The following MRRF variants were observed in gnomAD, a reference collection of about 807,000 sequenced individuals.
MRRF encodes mitochondrial ribosome recycling factor, also known as ribosome-recycling factor, mitochondrial.
In MRRF, 18 loss-of-function variants were observed where a neutral mutation model predicts 25.1. That is an observed-to-expected ratio of 0.72 (90% CI 0.50 to 1.06). MRRF has a LOEUF of 1.06. MRRF is among the 50% of genes least tolerant of loss of function. The pLI, the probability that MRRF is intolerant of heterozygous loss-of-function variation, is 0.00. For synonymous variants in MRRF, 113 were observed against 112.1 expected (o/e 1.01, Z -0.05); for missense variants, 323 against 319.3 (o/e 1.01, Z -0.09).
intron 2 of MRRF, among the ~76,000 whole-genome samples, chr9:122,273,487 T>A (rs1832589618): frequency 6.6e-6 from 1 of 151,788 alleles, no homozygotes; most frequent in African/African-American, 2.4e-5. Context: ...TAATCAGTTC[T>A]TTAATCAGGT....
intron 5 of MRRF, among the ~76,000 whole-genome samples, chr9:122,294,194 C>T (rs904727224): frequency 2.0e-5 from 3 of 152,242 alleles, no homozygotes; most frequent in Admixed American, 6.5e-5. Context: ...TCTGAAGCTC[C>T]AAAATACTGT....
intron 3 of MRRF, among the ~76,000 whole-genome samples, chr9:122,282,223 C>G (rs1833130540): frequency 2.6e-5 from 4 of 152,190 alleles, no homozygotes; most frequent in South Asian, 2.1e-4. Context: ...CTACCTTTTC[C>G]TCTTTCTCAC....
chr9:122,265,868 G>T, intron 1 of MRRF: 1 of 695,700 alleles, frequency 1.4e-6, no homozygotes, highest in Non-Finnish European at 2.2e-6. Flanking sequence ...CTTTGGCCGT[G>T]CCAGGTGCAT....
intron 2 of MRRF, among the ~76,000 whole-genome samples, chr9:122,276,380 T>A (rs1171524504): frequency 6.6e-6 from 1 of 152,252 alleles, no homozygotes; most frequent in Non-Finnish European, 1.5e-5. Context: ...AACCTTGAAC[T>A]CCTGGGCTCA....
chr9:122,317,468 A>G (rs1449426423), intron 6 of MRRF, among the ~76,000 whole-genome samples: 1 of 152,208 alleles, frequency 6.6e-6, no homozygotes, highest in Non-Finnish European at 1.5e-5. Flanking sequence ...GTTCATTGAT[A>G]TATATAATAG....
intron 6 of MRRF, among the ~76,000 whole-genome samples, chr9:122,315,410 C>G (rs771843189): frequency 2.0e-5 from 3 of 152,214 alleles, no homozygotes; most frequent in African/African-American, 4.8e-5. Flanking sequence ...AAAGATTGTT[C>G]TGCACTTGAT....
intron 5 of MRRF, among the ~76,000 whole-genome samples, chr9:122,297,505 CTG>C (rs1834165574): frequency 6.6e-6 from 1 of 151,822 alleles, no homozygotes; most frequent in Non-Finnish European, 1.5e-5. Context: ...CCATTGCTCT[CTG>C]TTATGAGAAT....
At chr9:122,299,927 T>G (rs1834340800) in intron 5 of MRRF, among the ~76,000 whole-genome samples, 1 of 152,178 alleles carries the variant, frequency 6.6e-6, no homozygotes, top group Non-Finnish European at 1.5e-5. Context: ...TCCTGTTCTG[T>G]CACTGTGGGT....
At chr9:122,313,540 C>G (rs1835331186) in intron 6 of MRRF, among the ~76,000 whole-genome samples, 154 bp downstream of exon 6, 1 of 152,152 alleles carries the variant, frequency 6.6e-6, no homozygotes, top group African/African-American at 2.4e-5. Flanking sequence ...TAGCCTAATG[C>G]CAGATTCAGA....
intron 2 of MRRF, among the ~76,000 whole-genome samples, chr9:122,277,668 A>G (rs1832858635): frequency 6.6e-6 from 1 of 152,136 alleles, no homozygotes; most frequent in African/African-American, 2.4e-5. Flanking sequence ...CTTGTGCCTC[A>G]GCCTCCCGAG....
Position 122,327,147 on chromosome 9 carries a change from T to G in MRRF, c.*4530T>G, listed in dbSNP as rs1415801112. 1 of 152,196 alleles carries G rather than the reference T, an allele frequency of 6.6e-6. No homozygotes were observed. Among genetic ancestry groups the G allele is most frequent in the Non-Finnish European group, 1.5e-5 (1 of 68,042 alleles). The allele number at this position is 152,196 out of a possible 1,614,324, so 9.4% of individuals were successfully genotyped here. A position where few individuals can be genotyped will look rare whatever the true frequency, so the allele number is the denominator to read the frequency against. On this transcript the variant is annotated 3_prime_UTR_variant, in exon 7 of 7. Coordinates refer to ENST00000344641, the MANE Select transcript of MRRF (RefSeq NM_138777.5). ...CACATTGTAAACACCAAAGAAATGGTAGCTCTTATGGAGACAGTAAAGATT... is the reference window on the plus strand; with the variant it reads ...CACATTGTAAACACCAAAGAAATGGGAGCTCTTATGGAGACAGTAAAGATT...
chr9:122,281,887 T>G (rs1833111107), intron 3 of MRRF, among the ~76,000 whole-genome samples: 1 of 152,114 alleles, frequency 6.6e-6, no homozygotes, highest in Non-Finnish European at 1.5e-5. Flanking sequence ...GGGGACAGAT[T>G]GAGGGAAAAG....
chr9:122,278,773 C>T (rs952161834), intron 2 of MRRF, among the ~76,000 whole-genome samples: 19 of 152,052 alleles, frequency 1.2e-4, no homozygotes, highest in African/African-American at 3.4e-4. Flanking sequence ...TTCTCTTGGG[C>T]GTTTATAAAG....
At chr9:122,283,419 A>G (rs73555240) in intron 3 of MRRF, among the ~76,000 whole-genome samples, 2,638 of 152,252 alleles carry the variant, frequency 0.017, 77 homozygotes, top group African/African-American at 0.055. Flanking sequence ...TTTATGTCCC[A>G]TTTAGAAATC....
chr9:122,286,213 C>A, intron 4 of MRRF: 1 of 1,286,772 alleles, frequency 7.8e-7, no homozygotes, highest in Non-Finnish European at 1.0e-6. Flanking sequence ...TAGTTGTATT[C>A]CAAAGTCATA....
intron 6 of MRRF, among the ~76,000 whole-genome samples, chr9:122,315,076 A>G (rs1370699016): frequency 6.7e-6 from 1 of 148,426 alleles, no homozygotes; most frequent in Non-Finnish European, 1.5e-5. Context: ...GACAGCCACA[A>G]CAGTCACCTG....
chr9:122,328,289 G>A lies in MRRF; in HGVS notation c.*5672G>A, dbSNP rs1294797664. On this transcript the variant is annotated 3_prime_UTR_variant, in exon 7 of 7. Transcript: ENST00000344641. ...GTGCCCAGCCTTAACCATTTTAAGTGTACAGTTCAGTAGCATTTAGTACAT... is the reference window on the plus strand; with the variant it reads ...GTGCCCAGCCTTAACCATTTTAAGTATACAGTTCAGTAGCATTTAGTACAT... The A allele has an allele frequency of 1.3e-5, 2 of 152,134 alleles. No homozygotes were observed. The highest frequency in any genetic ancestry group is 3.8e-4 in the East Asian group (2 of 5,200). The allele number at this position is 152,134 out of a possible 1,614,324, so 9.4% of individuals were successfully genotyped here. A position where few individuals can be genotyped will look rare whatever the true frequency, so the allele number is the denominator to read the frequency against.
intron 6 of MRRF, among the ~76,000 whole-genome samples, chr9:122,316,427 C>T (rs1398257018): frequency 6.6e-6 from 1 of 152,164 alleles, no homozygotes; most frequent in Non-Finnish European, 1.5e-5. Flanking sequence ...CCGCCCACCT[C>T]AGCCCCCCAA....
intron 1 of MRRF, among the ~76,000 whole-genome samples, chr9:122,269,462 C>T (rs983026528): frequency 3.0e-4 from 45 of 152,160 alleles, no homozygotes; most frequent in African/African-American, 1.1e-3. Context: ...TGGTGGCTCA[C>T]ACCTGTAATC....
Sources: gnomAD v4.1 joint callset for allele counts (sites outside exome capture counted in the v4.1 genomes callset) on GRCh38, gnomAD v4.1.1 for gene constraint, MANE v1.5 for transcripts, NCBI Gene and HGNC (gene_info 2026-07-23, HGNC 2026-07-21) for gene names.